Variants in PTPRM observed in about 807,000 individuals in gnomAD.
The protein encoded by PTPRM is protein tyrosine phosphatase receptor type M.
PTPRM carries 47 observed loss-of-function variants against 186.7 expected under a neutral mutation model. The observed-to-expected ratio is 0.25, with a 90% confidence interval of 0.20 to 0.32. PTPRM has a LOEUF of 0.32. Among genes scored for constraint, PTPRM ranks in the 10% least tolerant of loss-of-function variants. PTPRM has a pLI of 1.00. For missense variants in PTPRM, 1,494 were observed against 1,865.0 expected, an observed-to-expected ratio of 0.80 and a Z score of 3.66; for synonymous variants, 668 against 674.9, an observed-to-expected ratio of 0.99 and a Z score of 0.16.
chr18:8,158,155 A>T (rs140477963), intron 14 of PTPRM, among the ~76,000 whole-genome samples: 1 of 152,334 alleles, frequency 6.6e-6, no homozygotes, highest in African/African-American at 2.4e-5. Flanking sequence ...AGCATAGCTT[A>T]TTAAAACTGG....
chr18:8,161,437 A>T (rs1010135911), intron 14 of PTPRM, among the ~76,000 whole-genome samples: 1 of 152,084 alleles, frequency 6.6e-6, no homozygotes, highest in Non-Finnish European at 1.5e-5. Flanking sequence ...TGGTGCAGAG[A>T]GTGTGGTGAG....
intron 1 of PTPRM, among the ~76,000 whole-genome samples, chr18:7,587,461 T>G (rs1409576532): frequency 2.6e-5 from 4 of 152,054 alleles, no homozygotes; most frequent in African/African-American, 9.7e-5. Context: ...AGCTGACAGT[T>G]TGATTAAGCT....
intron 1 of PTPRM, among the ~76,000 whole-genome samples, chr18:7,644,199 T>C (rs1375984262): frequency 6.6e-6 from 1 of 152,112 alleles, no homozygotes; most frequent in Admixed American, 6.5e-5. Flanking sequence ...AAATGAGAAA[T>C]GAGTTTTCAA....
At chr18:7,744,738 G>A (rs2040950221) in intron 1 of PTPRM, among the ~76,000 whole-genome samples, 1 of 152,216 alleles carries the variant, frequency 6.6e-6, no homozygotes, top group South Asian at 2.1e-4. Flanking sequence ...TTTTCCCAGA[G>A]CCACTATGAG....
chr18:7,782,397 G>A (rs899596220), intron 2 of PTPRM, among the ~76,000 whole-genome samples: 8 of 152,202 alleles, frequency 5.3e-5, no homozygotes, highest in Non-Finnish European at 1.2e-4. Flanking sequence ...TTACACATCT[G>A]ATTTGGTGTT....
chr18:8,191,532 A>G (rs1489078338), intron 14 of PTPRM, among the ~76,000 whole-genome samples: 1 of 152,240 alleles, frequency 6.6e-6, no homozygotes, highest in Non-Finnish European at 1.5e-5. Flanking sequence ...ATGACTGTAC[A>G]TGGAGCCAAG....
intron 4 of PTPRM, among the ~76,000 whole-genome samples, chr18:7,918,996 C>T (rs2050713350): frequency 6.6e-6 from 1 of 152,116 alleles, no homozygotes; most frequent in Non-Finnish European, 1.5e-5. Context: ...AGGCTAGTTT[C>T]CTTTTTCTGC....
At chr18:7,951,165 C>T (rs1650127362) in intron 6 of PTPRM, among the ~76,000 whole-genome samples, 1 of 152,196 alleles carries the variant, frequency 6.6e-6, no homozygotes. Flanking sequence ...TAAGATTCTT[C>T]CCTGCTGTAC....
chr18:8,401,794 A>G (rs2095873590), intron 32 of PTPRM, among the ~76,000 whole-genome samples: 1 of 152,220 alleles, frequency 6.6e-6, no homozygotes, highest in African/African-American at 2.4e-5. Flanking sequence ...TTAACAGCCA[A>G]CCTCAATTTC....
At chr18:8,238,772 C>A (rs1178048706) in intron 14 of PTPRM, among the ~76,000 whole-genome samples, 1 of 141,362 alleles carries the variant, frequency 7.1e-6, no homozygotes, top group African/African-American at 2.6e-5. Context: ...GGAGGGGAGG[C>A]ACTCTGTAGT....
chr18:7,777,486 G>C (rs139398022), intron 2 of PTPRM, among the ~76,000 whole-genome samples: 150 of 152,322 alleles, frequency 9.8e-4, no homozygotes, highest in African/African-American at 3.5e-3. Flanking sequence ...AGTGGCAACA[G>C]AGACTGGTCC....
intron 14 of PTPRM, among the ~76,000 whole-genome samples, chr18:8,208,545 T>C (rs4392131): frequency 0.34 from 50,822 of 151,362 alleles, 9,038 homozygotes; most frequent in Middle Eastern, 0.52. Context: ...AGGGTCTCAC[T>C]CTGTCACCTA....
chr18:7,751,937 C>A (rs2041238542), intron 1 of PTPRM, among the ~76,000 whole-genome samples: 1 of 152,104 alleles, frequency 6.6e-6, no homozygotes, highest in Non-Finnish European at 1.5e-5. Flanking sequence ...TGAGTGCTAC[C>A]AATGTGAAGT....
intron 2 of PTPRM, among the ~76,000 whole-genome samples, chr18:7,788,739 C>G (rs765785485): frequency 6.6e-6 from 1 of 152,166 alleles, no homozygotes; most frequent in African/African-American, 2.4e-5. Context: ...TTCTGTAAGG[C>G]AACATATTTA....
intron 8 of PTPRM, among the ~76,000 whole-genome samples, chr18:8,075,498 C>G (rs187919523): frequency 6.6e-6 from 1 of 152,018 alleles, no homozygotes; most frequent in South Asian, 2.1e-4. Context: ...CATACTAGTA[C>G]ACTAAATTGT....
In PTPRM at chr18:7,610,400, G is replaced by T. The variant is rs186174177; in HGVS notation, c.73+42509G>T. On this transcript the variant is annotated intron_variant, in intron 1 of 32. Transcript: ENST00000580170. ...TTTTTTTTTCTAGTATTAAGTCAGT[G>T]TTTCTCCAACCAGTGTCCTCCAGAA... Among the ~76,000 whole-genome samples the T allele has an allele frequency of 1.3e-3, 196 of 152,010 alleles. 3 individuals are homozygous for T. The highest frequency in any genetic ancestry group is 4.0e-3 in the Admixed American group (61 of 15,278).
At chr18:8,228,968 A>C (rs2094250609) in intron 14 of PTPRM, among the ~76,000 whole-genome samples, 1 of 152,190 alleles carries the variant, frequency 6.6e-6, no homozygotes, top group Admixed American at 6.5e-5. Flanking sequence ...AAAGTGGTAG[A>C]CCATAGGATC....
intron 14 of PTPRM, among the ~76,000 whole-genome samples, chr18:8,240,554 G>A (rs1488106294): frequency 1.7e-5 from 2 of 121,002 alleles, no homozygotes; most frequent in Non-Finnish European, 3.5e-5. Flanking sequence ...AGGAAGGAAA[G>A]AAGGAAAGAA....
At chr18:8,019,730 A>C (rs1409865603) in intron 7 of PTPRM, among the ~76,000 whole-genome samples, 3 of 149,318 alleles carry the variant, frequency 2.0e-5, no homozygotes, top group East Asian at 3.9e-4. Context: ...TTCATTATAA[A>C]CATAAATATA....
Sources: gnomAD v4.1 joint callset for allele counts (sites outside exome capture counted in the v4.1 genomes callset) on GRCh38, gnomAD v4.1.1 for gene constraint, MANE v1.5 for transcripts, NCBI Gene and HGNC (gene_info 2026-07-23, HGNC 2026-07-21) for gene names.